Variants in OLFM4 observed in about 807,000 individuals in gnomAD.
OLFM4 encodes olfactomedin 4, also known as olfactomedin-4.
Under a neutral mutation model 25.5 loss-of-function variants are expected in OLFM4, and 22 were observed. That is an observed-to-expected ratio of 0.86 (90% CI 0.62 to 1.23). OLFM4 has a LOEUF of 1.23. OLFM4 is among the 50% of genes most tolerant of loss of function. OLFM4 has a pLI of 0.00. For missense variants in OLFM4, 594 were observed against 619.4 expected, an observed-to-expected ratio of 0.96 and a Z score of 0.44; for synonymous variants, 255 against 237.7, an observed-to-expected ratio of 1.07 and a Z score of -0.67.
Position 53,050,342 on chromosome 13 carries a change from C to G in OLFM4, c.1104C>G (p.Ala368=), listed in dbSNP as rs756499598. 4.3e-6 allele frequency: 7 copies of G among 1,613,980 alleles called. No individual in the cohort carries two copies. Among genetic ancestry groups the G allele is most frequent in the Non-Finnish European group, 5.9e-6 (7 of 1,179,978 alleles). The change falls in exon 5 of 5, where the codon GCC becomes GCG. Residue 368 remains alanine, a synonymous_variant. Transcript: ENST00000219022. Reference sequence around the variant, plus strand: ...TGACTCAAACTCTCCCTAATGCTGCCTATAATAACCGCTTTTCATATGCTA... The same window carrying G: ...TGACTCAAACTCTCCCTAATGCTGCGTATAATAACCGCTTTTCATATGCTA... ...IAVTQTLPNA[A]YNNRFSYANV... is the part of the protein sequence containing the mutation.
intron 4 of OLFM4, among the ~76,000 whole-genome samples, chr13:53,048,515 A>C (rs1954727442): frequency 6.6e-6 from 1 of 152,172 alleles, no homozygotes; most frequent in Admixed American, 6.5e-5. Context: ...TAATGGTTTC[A>C]CCTTTGAGCA....
intron 2 of OLFM4, among the ~76,000 whole-genome samples, chr13:53,036,455 T>C (rs9527051): frequency 0.53 from 79,994 of 152,026 alleles, 21,289 homozygotes; most frequent in East Asian, 0.74. Flanking sequence ...AAACCTTATG[T>C]GCTCCAGGGA....
chr13:53,029,176 C>T (rs920229323), intron 1 of OLFM4, 136 bp downstream of exon 1: 2 of 1,279,096 alleles, frequency 1.6e-6, no homozygotes, highest in South Asian at 2.9e-5. Context: ...ACTATAGGTG[C>T]CCCGGAAATG....
intron 2 of OLFM4, among the ~76,000 whole-genome samples, chr13:53,035,271 A>G (rs951391303): frequency 6.8e-6 from 1 of 147,646 alleles, no homozygotes; most frequent in African/African-American, 2.5e-5. Flanking sequence ...ATTTTTTTCT[A>G]TTTTCTCCAA....
rs1288994815 is a variant in OLFM4, at chr13:53,050,189, T to C, written c.951T>C (p.Asn317=). Residue 317 remains asparagine, a synonymous_variant, in exon 5 of 5, where the codon AAT becomes AAC. Coordinates refer to ENST00000219022, the MANE Select transcript of OLFM4 (RefSeq NM_006418.5). ...TGGATGATTTGCTATTGTATATAAA[T>C]GCTCGAGAGTTGCGGATCACCTATG... The part of the protein sequence containing the change: ...NTLDDLLLYI[N]ARELRITYGQ... The C allele has an allele frequency of 6.2e-7, 1 of 1,614,048 alleles. No individual in the cohort carries two copies. The highest frequency in any genetic ancestry group is 8.5e-7 in the Non-Finnish European group (1 of 1,179,950).
intron 2 of OLFM4, among the ~76,000 whole-genome samples, chr13:53,040,400 T>A (rs1350857104): frequency 6.6e-6 from 1 of 152,206 alleles, no homozygotes; most frequent in Non-Finnish European, 1.5e-5. Flanking sequence ...ACTCACATAT[T>A]GTGTAGTAGG....
intron 4 of OLFM4, among the ~76,000 whole-genome samples, chr13:53,049,745 G>A (rs947509940): frequency 6.6e-6 from 1 of 152,140 alleles, no homozygotes; most frequent in Non-Finnish European, 1.5e-5. Context: ...GCCCACCCAT[G>A]GAAACAGAAT....
Position 53,038,534 on chromosome 13 carries a change from A to G in OLFM4, c.358-3376A>G, listed in dbSNP as rs7329860. 5.6e-3 allele frequency among the ~76,000 whole-genome samples: 857 copies of G among 152,332 alleles called. 10 individuals are homozygous for G. Among genetic ancestry groups the G allele is most frequent in the African/African-American group, 0.02 (813 of 41,582 alleles). ...CAATGGTAAGTTTTTGTGTGTGCATATATATCTAAACATAGAAAAGGTACA... is the reference window on the plus strand; with the variant it reads ...CAATGGTAAGTTTTTGTGTGTGCATGTATATCTAAACATAGAAAAGGTACA... On this transcript the variant is annotated intron_variant, in intron 2 of 4. Coordinates refer to ENST00000219022, the MANE Select transcript of OLFM4 (RefSeq NM_006418.5).
intron 1 of OLFM4, 99 bp downstream of exon 1, chr13:53,029,139 C>G (rs1393939018): frequency 1.3e-6 from 2 of 1,522,256 alleles, no homozygotes; most frequent in South Asian, 1.2e-5. Context: ...CCTGGGCACT[C>G]TAAAAGATTT....
intron 1 of OLFM4, among the ~76,000 whole-genome samples, chr13:53,030,534 CT>C (rs1386427298): frequency 3.3e-5 from 5 of 152,162 alleles, no homozygotes; most frequent in African/African-American, 4.8e-5. Context: ...AACTCCTGAC[CT>C]CATGATCTGC....
chr13:53,045,604 T>C (rs924933596), intron 4 of OLFM4, among the ~76,000 whole-genome samples: 16 of 152,298 alleles, frequency 1.1e-4, no homozygotes, highest in African/African-American at 3.8e-4. Flanking sequence ...TCTGCTTTTT[T>C]CACTGCAGAG....
chr13:53,030,988 T>C lies in OLFM4; in HGVS notation c.204+1948T>C, dbSNP rs1253899193. The stretch of plus-strand genomic sequence containing the variant: ...AATAATAATTTATTATGAAGCTCCA[T>C]CACCAGTCAGAAACCAGCATTTGGG... On this transcript the variant is annotated intron_variant, in intron 1 of 4. Transcript: ENST00000219022. Among the ~76,000 whole-genome samples the C allele has an allele frequency of 2.0e-5, 3 of 152,300 alleles. No homozygotes were observed. The South Asian group carries it at 6.2e-4, about 32-fold the overall frequency.
At chr13:53,039,005 C>T (rs1954674059) in intron 2 of OLFM4, among the ~76,000 whole-genome samples, 1 of 152,078 alleles carries the variant, frequency 6.6e-6, no homozygotes, top group Admixed American at 6.6e-5. Flanking sequence ...CTTTACAGAC[C>T]CTTCATTTTG....
rs762617314 is a variant in OLFM4 at position 53,049,968 on chromosome 13, G to C, written c.731-1G>C. 1 of 1,592,124 alleles carries C rather than the reference G, an allele frequency of 6.3e-7. No individual in the cohort carries two copies. Among genetic ancestry groups the C allele is most frequent in the East Asian group, 2.3e-5 (1 of 44,382 alleles). On this transcript the variant is annotated splice_acceptor_variant, in intron 4 of 4. Coordinates refer to ENST00000219022, the MANE Select transcript of OLFM4 (RefSeq NM_006418.5). LOFTEE classifies it high-confidence loss of function. Reference sequence around the variant, plus strand: ...GCCTTTTTATTTTCTTGTTTGTATAGGGAGCTGTGGTCATGGTGGTGTGGT... The same window carrying C: ...GCCTTTTTATTTTCTTGTTTGTATACGGAGCTGTGGTCATGGTGGTGTGGT...
At chr13:53,034,146 G>C (rs2138232117) in intron 1 of OLFM4, among the ~76,000 whole-genome samples, 2 of 151,398 alleles carry the variant, frequency 1.3e-5, no homozygotes, top group Non-Finnish European at 2.9e-5. Flanking sequence ...CGTACAACCA[G>C]TGGCGATGTG....
intron 4 of OLFM4, among the ~76,000 whole-genome samples, chr13:53,043,807 A>G (rs1954701170): frequency 6.6e-6 from 1 of 152,144 alleles, no homozygotes; most frequent in South Asian, 2.1e-4. Flanking sequence ...GGATTAAAGG[A>G]ATGACCCCAC....
chr13:53,031,937 CAG>C (rs1188859000), intron 1 of OLFM4, among the ~76,000 whole-genome samples: 2 of 152,228 alleles, frequency 1.3e-5, no homozygotes, highest in African/African-American at 2.4e-5. Flanking sequence ...GCATTCACCG[CAG>C]AGAGAGACTC....
At chr13:53,039,695 A>G (rs1193339605) in intron 2 of OLFM4, among the ~76,000 whole-genome samples, 2 of 152,134 alleles carry the variant, frequency 1.3e-5, no homozygotes, top group Non-Finnish European at 2.9e-5. Context: ...TCTGAAACCA[A>G]TCCACCATGG....
At chr13:53,034,530 G>A in intron 2 of OLFM4, 30 bp downstream of exon 2, 1 of 1,568,844 alleles carries the variant, frequency 6.4e-7, no homozygotes, top group Non-Finnish European at 8.7e-7. Flanking sequence ...ACAATATCTT[G>A]ATAAAGAGAA....
Sources: allele counts gnomAD v4.1 joint callset (sites outside exome capture counted in the v4.1 genomes callset), GRCh38; gene constraint gnomAD v4.1.1; transcripts MANE v1.5; gene names NCBI Gene and HGNC (gene_info 2026-07-23, HGNC 2026-07-21).